Variants in TNRC6B observed in about 807,000 individuals in gnomAD.
The protein encoded by TNRC6B is trinucleotide repeat-containing gene 6B protein.
Under a neutral mutation model 203.6 loss-of-function variants are expected in TNRC6B, and 52 were observed. That is an observed-to-expected ratio of 0.26 (90% CI 0.20 to 0.32). TNRC6B has a LOEUF of 0.32. Ranked by LOEUF, TNRC6B falls within the 10% of genes least tolerant of loss-of-function variation. The pLI, the probability that TNRC6B is intolerant of heterozygous loss-of-function variation, is 1.00. For missense variants in TNRC6B, 1,923 were observed against 2,286.2 expected, an observed-to-expected ratio of 0.84 and a Z score of 3.24; for synonymous variants, 838 against 845.7, an observed-to-expected ratio of 0.99 and a Z score of 0.16.
At chr22:40,088,133 G>A (rs1857976176) in intron 1 of TNRC6B, among the ~76,000 whole-genome samples, 1 of 152,164 alleles carries the variant, frequency 6.6e-6, no homozygotes, top group Non-Finnish European at 1.5e-5. Context: ...ATAAAAAGTT[G>A]TACCTTTAAA....
intron 1 of TNRC6B, among the ~76,000 whole-genome samples, chr22:40,180,013 A>G: frequency 6.6e-6 from 1 of 152,240 alleles, no homozygotes. Flanking sequence ...AAATTTTTTG[A>G]TGATATAAAT....
chr22:40,187,689 T>C (rs1372693286), intron 1 of TNRC6B, among the ~76,000 whole-genome samples: 1 of 152,160 alleles, frequency 6.6e-6, no homozygotes, highest in East Asian at 1.9e-4. Flanking sequence ...ACCAGGCTAA[T>C]TATGTTGTGC....
At chr22:40,273,378 T>C in intron 6 of TNRC6B, 47 bp from the exon 7 acceptor site, 3 of 1,475,330 alleles carry the variant, frequency 2.0e-6, no homozygotes, top group Non-Finnish European at 2.7e-6. Flanking sequence ...TTCTGATGAT[T>C]GTTTTATATA....
In TNRC6B at chr22:40,281,108, C is replaced by T; in HGVS notation, c.3412-11C>T. Reference sequence around the variant, plus strand: ...ACTCGTTGTGATTGGCTAACTCCTACTACTTTTCAGCTGACTTTGCCTTTC... The same window carrying T: ...ACTCGTTGTGATTGGCTAACTCCTATTACTTTTCAGCTGACTTTGCCTTTC... On this transcript the variant is annotated splice_polypyrimidine_tract_variant and intron_variant, in intron 10 of 22. Coordinates refer to ENST00000454349, the MANE Select transcript of TNRC6B (RefSeq NM_001162501.2). The T allele has an allele frequency of 6.5e-7, 1 of 1,545,158 alleles. No individual in the cohort carries two copies. The highest frequency in any genetic ancestry group is 8.7e-7 in the Non-Finnish European group (1 of 1,143,858).
At chr22:40,301,121 A>G (rs1443543695) in intron 14 of TNRC6B, 29 bp from the exon 15 acceptor site, 2 of 1,553,052 alleles carry the variant, frequency 1.3e-6, no homozygotes, top group Non-Finnish European at 1.7e-6. Context: ...GGCCGTGCTT[A>G]TCACGTGTCT....
rs753389210 is a variant in TNRC6B, at chr22:40,265,058, G to A, written c.828G>A (p.Glu276=). ...KSVQSSNSTT[E]NNNGLGNWRN... ...TTCAATCTTCCAACTCTACTACAGA[G>A]AACAACAATGGACTAGGAAATTGGA... Residue 276 remains glutamate (E), a synonymous_variant, in exon 5 of 23, where the codon GAG becomes GAA. Transcript: ENST00000454349. 19 of 1,614,008 alleles carry A rather than the reference G, an allele frequency of 1.2e-5. No homozygotes were observed. The South Asian group carries it at 2.1e-4, about 18-fold the overall frequency.
upstream of TNRC6B, among the ~76,000 whole-genome samples, chr22:40,176,475 T>TAAAAC (rs528400125): frequency 3.9e-4 from 59 of 152,284 alleles, no homozygotes; most frequent in African/African-American, 1.4e-3. Flanking sequence ...AAGCCGTCCT[T>TAAAAC]AAAACATAGA....
At chr22:40,304,870 T>TC (rs2071070501) in intron 15 of TNRC6B, among the ~76,000 whole-genome samples, 1 of 152,240 alleles carries the variant, frequency 6.6e-6, no homozygotes, top group African/African-American at 2.4e-5. Context: ...GCTGCAATTA[T>TC]GATTGTGTCG....
At chr22:40,127,345 T>G (rs1173841292) in intron 3 of TNRC6B, among the ~76,000 whole-genome samples, 3 of 152,158 alleles carry the variant, frequency 2.0e-5, no homozygotes, top group Non-Finnish European at 4.4e-5. Flanking sequence ...CAGATTTCTT[T>G]CTTCTTTCCG....
intron 7 of TNRC6B, among the ~76,000 whole-genome samples, chr22:40,274,857 G>T (rs1297575824): frequency 6.6e-6 from 1 of 152,130 alleles, no homozygotes; most frequent in Non-Finnish European, 1.5e-5. Context: ...GCCTGAACCA[G>T]TGTCTTCGCA....
chr22:40,302,506 G>A (rs1014690827), intron 15 of TNRC6B, among the ~76,000 whole-genome samples: 11 of 151,964 alleles, frequency 7.2e-5, no homozygotes, highest in African/African-American at 2.7e-4. Flanking sequence ...TGTGGCATGC[G>A]CCTCTAATCC....
intron 10 of TNRC6B, among the ~76,000 whole-genome samples, chr22:40,280,687 G>A (rs1163505081): frequency 6.6e-6 from 1 of 152,188 alleles, no homozygotes; most frequent in African/African-American, 2.4e-5. Context: ...ATACCAATTT[G>A]CTGTGTTCCT....
intron 2 of TNRC6B, among the ~76,000 whole-genome samples, chr22:40,250,780 A>T (rs1205843495): frequency 6.6e-6 from 1 of 152,080 alleles, no homozygotes. Flanking sequence ...TAGATTTCAG[A>T]TCAAGTGTTT....
chr22:40,133,720 G>A (rs2146331720), intron 3 of TNRC6B, among the ~76,000 whole-genome samples: 1 of 152,216 alleles, frequency 6.6e-6, no homozygotes, highest in South Asian at 2.1e-4. Flanking sequence ...TGTAATCCCA[G>A]CACTTTGGGA....
chr22:40,066,912 A>C (rs909295602), intron 1 of TNRC6B, among the ~76,000 whole-genome samples: 15 of 130,430 alleles, frequency 1.2e-4, no homozygotes, highest in Middle Eastern at 4.0e-3. Flanking sequence ...TTTTCTTTTT[A>C]AATTTTTTTT....
intron 1 of TNRC6B, among the ~76,000 whole-genome samples, chr22:40,225,194 T>C (rs768339413): frequency 2.0e-4 from 31 of 152,224 alleles, no homozygotes; most frequent in Non-Finnish European, 4.3e-4. Flanking sequence ...GGGAGCACCT[T>C]GGAAGAGGCA....
chr22:40,268,778 G>T (rs970246262), intron 5 of TNRC6B, among the ~76,000 whole-genome samples: 3 of 151,994 alleles, frequency 2.0e-5, no homozygotes, highest in Admixed American at 2.0e-4. Context: ...CAGGCGTGGT[G>T]GCGGGCACCT....
At chr22:40,154,830 G>A (rs2068797195) in intron 3 of TNRC6B, among the ~76,000 whole-genome samples, 1 of 83,992 alleles carries the variant, frequency 1.2e-5, no homozygotes. Flanking sequence ...AACAGAGCAA[G>A]ACTCTATCTC....
Position 40,308,669 on chromosome 22 carries a change from C to T in TNRC6B, c.4258+20C>T. ...AAAATGGTAAGAGAAGCACTGAAAG[C>T]TAGAGCCCCCAACCCACAGCAGGTC... On this transcript the variant is annotated intron_variant, in intron 16 of 22. Transcript: ENST00000454349. 6.2e-7 allele frequency: 1 copy of T among 1,601,806 alleles called. No individual in the cohort carries two copies. The highest frequency in any genetic ancestry group is 1.1e-5 in the South Asian group (1 of 89,792).
Sources: gnomAD v4.1 joint callset for allele counts (sites outside exome capture counted in the v4.1 genomes callset) on GRCh38, gnomAD v4.1.1 for gene constraint, MANE v1.5 for transcripts, NCBI Gene and HGNC (gene_info 2026-07-23, HGNC 2026-07-21) for gene names.